Variants in FKBP5 observed in about 807,000 individuals in gnomAD.
FKBP5 encodes the protein FKBP prolyl isomerase 5.
In FKBP5, 23 loss-of-function variants were observed where a neutral mutation model predicts 50.5. The ratio of observed to expected loss-of-function variants is 0.46; its 90% CI spans 0.33 to 0.65. The LOEUF is 0.65. Among genes scored for constraint, FKBP5 ranks in the 30% least tolerant of loss-of-function variants. FKBP5 has a pLI of 0.02. For synonymous variants in FKBP5, 176 were observed against 190.6 expected, an observed-to-expected ratio of 0.92 and a Z score of 0.63; for missense variants, 411 against 553.1, an observed-to-expected ratio of 0.74 and a Z score of 2.58.
At chr6:35,676,483 AC>A (rs1485437415) in intron 1 of FKBP5, among the ~76,000 whole-genome samples, 8 of 152,230 alleles carry the variant, frequency 5.3e-5, no homozygotes, top group African/African-American at 1.7e-4. Context: ...TAATTTTAAC[AC>A]GCCCAAGATC....
At chr6:35,724,732 G>A (rs1423413202) in intron 1 of FKBP5, among the ~76,000 whole-genome samples, 2 of 151,304 alleles carry the variant, frequency 1.3e-5, no homozygotes, top group African/African-American at 2.4e-5. Flanking sequence ...CTCCAGCTTG[G>A]GCAACAGGGT....
At position 35,642,747 on chromosome 6, in the gene FKBP5, G is replaced by A. The variant is rs1417178681; in HGVS notation, c.78C>T (p.Thr26=). The change falls in exon 2 of 11, where the codon ACC becomes ACT. Residue 26 remains threonine, a synonymous_variant. Coordinates refer to ENST00000357266, the MANE Select transcript of FKBP5 (RefSeq NM_004117.4). ...ATVAEQGEDI[T]SKKDRGVLKI... is the part of the protein sequence containing the mutation. ...TTAATACTCCCCTGTCTTTTTTGGA[G>A]GTAATATCCTCTCCCTGCTCAGCAA... 2 of 1,613,664 alleles carry A rather than the reference G, an allele frequency of 1.2e-6. No homozygotes were observed. Among genetic ancestry groups the A allele is most frequent in the South Asian group, 2.2e-5 (2 of 91,018 alleles).
chr6:35,593,449 G>A (rs1002042667), intron 6 of FKBP5, among the ~76,000 whole-genome samples: 8 of 152,228 alleles, frequency 5.3e-5, no homozygotes, highest in African/African-American at 1.9e-4. Flanking sequence ...CACACAGGCA[G>A]TGGTAGAGCC....
At chr6:35,658,312 C>A (rs943399211) in intron 1 of FKBP5, among the ~76,000 whole-genome samples, 1 of 151,566 alleles carries the variant, frequency 6.6e-6, no homozygotes, top group East Asian at 1.9e-4. Context: ...GGAGGCAGAG[C>A]TTGCAGTGAG....
At chr6:35,688,471 G>C (rs866066206) in intron 1 of FKBP5, among the ~76,000 whole-genome samples, 15 of 151,750 alleles carry the variant, frequency 9.9e-5, no homozygotes, top group Middle Eastern at 3.4e-3. Context: ...AGGACGGGCG[G>C]GCGCGACCCG....
In FKBP5 at chr6:35,658,984, C is replaced by T. The variant is rs1035395995; in HGVS notation, c.-19-16141G>A. Among the ~76,000 whole-genome samples the T allele has an allele frequency of 4.2e-4, 35 of 83,120 alleles. 11 individuals are homozygous for T. The highest frequency in any genetic ancestry group is 1.2e-3 in the African/African-American group (31 of 26,764). The allele number at this position is 83,120 out of a possible 152,430, so 54.5% of individuals were successfully genotyped here. On this transcript the variant is annotated intron_variant, in intron 1 of 10. Transcript: ENST00000357266. ...CTACTCAGAGGCTGAGGTGGGAAGA[C>T]GGCTTGAGCCCAGGAGGTGGAGGTT...
intron 2 of FKBP5, among the ~76,000 whole-genome samples, chr6:35,712,998 G>C (rs1353649652): frequency 2.1e-5 from 3 of 145,564 alleles, no homozygotes; most frequent in Non-Finnish European, 4.5e-5. Flanking sequence ...GATCACTTGA[G>C]CCCTGGAGGT....
At chr6:35,586,617 A>ATCTG in intron 8 of FKBP5, 1 of 995,024 alleles carries the variant, frequency 1.0e-6, no homozygotes, top group Admixed American at 5.7e-5. Flanking sequence ...AAAAAAAAAA[A>ATCTG]AAGGAAGAAA....
At chr6:35,726,179 G>A (rs551600102) in intron 1 of FKBP5, among the ~76,000 whole-genome samples, 48 of 152,340 alleles carry the variant, frequency 3.2e-4, no homozygotes, top group African/African-American at 1.2e-3. Flanking sequence ...TGACGGTGAG[G>A]AAGTGCCTTG....
At chr6:35,585,483 A>C in intron 8 of FKBP5, 2 of 985,326 alleles carry the variant, frequency 2.0e-6, no homozygotes, top group Non-Finnish European at 2.4e-6. Flanking sequence ...TAACTCCCCT[A>C]TTTTTCACTT....
At chr6:35,679,237 T>C (rs1376133482) in intron 1 of FKBP5, among the ~76,000 whole-genome samples, 1 of 152,248 alleles carries the variant, frequency 6.6e-6, no homozygotes, top group South Asian at 2.1e-4. Context: ...ACTTTCATAA[T>C]AAAAAGTCTA....
rs760690538 is a variant in FKBP5, at chr6:35,620,245, C to T, written c.280G>A (p.Val94Met). ...GQVIKAWDIG[V>M]ATMKKGEICH... Reference sequence around the variant, plus strand: ...ATCTCTCCTTTCTTCATGGTAGCCACCCCAATGTCCCATGCCTTGATGACT... The same window carrying T: ...ATCTCTCCTTTCTTCATGGTAGCCATCCCAATGTCCCATGCCTTGATGACT... Residue 94 changes from valine to methionine, a missense_variant, in exon 4 of 11, where the codon GTG becomes ATG. Val to Met is a conservative substitution (Grantham distance 21, BLOSUM62 1). Around this residue, in one of 3 missense-constraint regions of FKBP5, gnomAD observed 267 missense variants for 405.9 expected, o/e 0.66. Transcript: ENST00000357266. 6.2e-7 allele frequency: 1 copy of T among 1,614,070 alleles called. No individual in the cohort carries two copies. The highest frequency in any genetic ancestry group is 1.1e-5 in the South Asian group (1 of 91,082).
intron 1 of FKBP5, among the ~76,000 whole-genome samples, chr6:35,644,390 A>G (rs1764574725): frequency 6.6e-6 from 1 of 152,252 alleles, no homozygotes; most frequent in Non-Finnish European, 1.5e-5. Flanking sequence ...CTGCACTTGC[A>G]GAAAATGTCT....
chr6:35,634,490 G>A (rs1439109718), intron 3 of FKBP5, among the ~76,000 whole-genome samples: 1 of 152,216 alleles, frequency 6.6e-6, no homozygotes, highest in Non-Finnish European at 1.5e-5. Flanking sequence ...CAGAACTGGA[G>A]CTTGGAAAGA....
chr6:35,725,401 C>T (rs1415342990), intron 1 of FKBP5, among the ~76,000 whole-genome samples: 1 of 152,118 alleles, frequency 6.6e-6, no homozygotes, highest in Non-Finnish European at 1.5e-5. Context: ...GGAAACAAGG[C>T]TGGCAAGGGG....
intron 3 of FKBP5, among the ~76,000 whole-genome samples, chr6:35,628,562 T>C (rs1188440902): frequency 1.3e-5 from 2 of 152,208 alleles, no homozygotes; most frequent in African/African-American, 2.4e-5. Context: ...TACCAATTTC[T>C]GATCTCTATT....
chr6:35,693,528 T>C (rs1373298819), upstream of FKBP5, among the ~76,000 whole-genome samples: 1 of 150,344 alleles, frequency 6.7e-6, no homozygotes, highest in East Asian at 2.0e-4. Context: ...TTTCTTTCCT[T>C]TCTTTTTTTG....
chr6:35,668,904 G>A (rs1346325582), intron 1 of FKBP5, among the ~76,000 whole-genome samples: 1 of 151,840 alleles, frequency 6.6e-6, no homozygotes, highest in Non-Finnish European at 1.5e-5. Flanking sequence ...GCTCAACCAA[G>A]CATATACATT....
At chr6:35,602,282 AC>A (rs1763169641) in intron 5 of FKBP5, among the ~76,000 whole-genome samples, 1 of 152,136 alleles carries the variant, frequency 6.6e-6, no homozygotes, top group Non-Finnish European at 1.5e-5. Context: ...AAAACAAAAA[AC>A]AAAAAGCTGT....
Sources: gnomAD v4.1 joint callset for allele counts (sites outside exome capture counted in the v4.1 genomes callset) on GRCh38, gnomAD v4.1.1 for gene constraint, gnomAD v4.1.1 regional missense constraint, MANE v1.5 for transcripts, NCBI Gene and HGNC (gene_info 2026-07-23, HGNC 2026-07-21) for gene names.